Variants in RFTN1 observed in about 807,000 individuals in gnomAD.
RFTN1 encodes raftlin, lipid raft linker 1.
A neutral mutation model predicts 46.5 loss-of-function variants in RFTN1; 26 were observed. The observed-to-expected ratio is 0.56, with a 90% CI of 0.41 to 0.78. RFTN1 has a LOEUF of 0.78. RFTN1 is among the 30% of genes least tolerant of loss of function. The pLI is 0.00. For missense variants in RFTN1, 693 were observed against 718.7 expected, an observed-to-expected ratio of 0.96 and a Z score of 0.41; for synonymous variants, 261 against 284.2, an observed-to-expected ratio of 0.92 and a Z score of 0.82.
rs2075995022 is a variant in RFTN1 at position 16,460,749 on chromosome 3, T to A, written c.146-26712A>T. Among the ~76,000 whole-genome samples, 1 of 152,166 alleles carries A rather than the reference T, an allele frequency of 6.6e-6. No homozygotes were observed. ...CATTTTCCATGCCAAAATTCAGGAT[T>A]TAAGGTCTAAAACCATAGAGAATAT... On this transcript the variant is annotated intron_variant, in intron 2 of 9. Coordinates refer to ENST00000334133, the MANE Select transcript of RFTN1 (RefSeq NM_015150.2). The surrounding 1 kb of genome is among the most constrained non-coding windows in gnomAD (Gnocchi z 4.8).
In RFTN1 at chr3:16,479,582, A is replaced by T. The variant is rs2076333198; in HGVS notation, c.145+14143T>A. ...CAGTAACTTTTCTTTCACACACTTC[A>T]TCTCGACCATTTCTCACCAAGCAAG... On this transcript the variant is annotated intron_variant, in intron 2 of 9. Transcript: ENST00000334133. This position sits in a 1 kb window ranked among gnomAD's most constrained non-coding sequence, Gnocchi z 5.1. Among the ~76,000 whole-genome samples, 1 of 152,212 alleles carries T rather than the reference A, an allele frequency of 6.6e-6. No homozygotes were observed. Among genetic ancestry groups the T allele is most frequent in the Non-Finnish European group, 1.5e-5 (1 of 68,040 alleles).
rs890869447 is a variant in RFTN1, at chr3:16,334,647, C to G, written c.1147-7771G>C. Among the ~76,000 whole-genome samples the G allele has an allele frequency of 2.0e-5, 3 of 152,052 alleles. No homozygotes were observed. Among genetic ancestry groups the G allele is most frequent in the African/African-American group, 7.2e-5 (3 of 41,404 alleles). On this transcript the variant is annotated intron_variant, in intron 7 of 9. Transcript: ENST00000334133. This position sits in a 1 kb window ranked among gnomAD's most constrained non-coding sequence, Gnocchi z 4.3. ...AGGGAATGAATTCTATTCTAGACACCCTGAGTTTGAGGAACCTATGGAAAT... is the reference window on the plus strand; with the variant it reads ...AGGGAATGAATTCTATTCTAGACACGCTGAGTTTGAGGAACCTATGGAAAT...
chr3:16,399,300 C>A (rs1165014343), intron 4 of RFTN1, among the ~76,000 whole-genome samples: 1 of 152,092 alleles, frequency 6.6e-6, no homozygotes, highest in Admixed American at 6.5e-5. Context: ...TCAGAACTAT[C>A]CTAGGACTAA....
intron 2 of RFTN1, among the ~76,000 whole-genome samples, chr3:16,467,099 G>A (rs529860457): frequency 1.5e-3 from 222 of 152,326 alleles, no homozygotes; most frequent in African/African-American, 5.1e-3. Flanking sequence ...AAAAAGGGGG[G>A]TGAGGGTTTT....
intron 7 of RFTN1, among the ~76,000 whole-genome samples, chr3:16,350,526 C>A (rs1163518594): frequency 6.6e-6 from 1 of 151,594 alleles, no homozygotes; most frequent in Non-Finnish European, 1.5e-5. Context: ...AGGCACTCAT[C>A]CATACATACT....
At position 16,407,796 on chromosome 3, in the gene RFTN1, C is replaced by T. The variant is rs111477216; in HGVS notation, c.441+1579G>A. 3.3e-5 allele frequency among the ~76,000 whole-genome samples: 5 copies of T among 152,220 alleles called. No individual in the cohort carries two copies. The highest frequency in any genetic ancestry group is 3.4e-3 in the Middle Eastern group (1 of 294). On this transcript the variant is annotated intron_variant, in intron 4 of 9. Coordinates refer to ENST00000334133, the MANE Select transcript of RFTN1 (RefSeq NM_015150.2). This position sits in a 1 kb window ranked among gnomAD's most constrained non-coding sequence, Gnocchi z 4.0. ...GTGAACAAAAGCTACTTCCCCCCTC[C>T]CCCATTTCTTAAATAATAATCTGAA...
chr3:16,375,455 A>G (rs1253991479), intron 5 of RFTN1, among the ~76,000 whole-genome samples: 1 of 152,048 alleles, frequency 6.6e-6, no homozygotes, highest in African/African-American at 2.4e-5. Context: ...AGCTGTTGTG[A>G]GGAGTTACTG....
At chr3:16,477,798 C>T (rs2076306292) in intron 2 of RFTN1, among the ~76,000 whole-genome samples, 1 of 152,228 alleles carries the variant, frequency 6.6e-6, no homozygotes, top group South Asian at 2.1e-4. Flanking sequence ...CAAATCTTGA[C>T]TTTCACAGCT....
rs2075252077 is a variant in RFTN1 at position 16,424,468 on chromosome 3, G to A, written c.332+9383C>T. ...GAAACAACCATCATGAGGACATAAT[G>A]AGAATTAATTATAATACCGAAAACA... On this transcript the variant is annotated intron_variant, in intron 3 of 9. Coordinates refer to ENST00000334133, the MANE Select transcript of RFTN1 (RefSeq NM_015150.2). The surrounding 1 kb of genome is among the most constrained non-coding windows in gnomAD (Gnocchi z 4.7). 6.6e-6 allele frequency among the ~76,000 whole-genome samples: 1 copy of A among 152,170 alleles called. No individual in the cohort carries two copies. The highest frequency in any genetic ancestry group is 1.5e-5 in the Non-Finnish European group (1 of 68,044).
In RFTN1 at chr3:16,336,614, G is replaced by A. The variant is rs140938139; in HGVS notation, c.1147-9738C>T. ...CAACATAATAGAGTCTGAGAGAGCA[G>A]TCTTCTCATTTTAGACAACTTAGGC... On this transcript the variant is annotated intron_variant, in intron 7 of 9. Coordinates refer to ENST00000334133, the MANE Select transcript of RFTN1 (RefSeq NM_015150.2). This position sits in a 1 kb window ranked among gnomAD's most constrained non-coding sequence, Gnocchi z 6.0. Among the ~76,000 whole-genome samples the A allele has an allele frequency of 1.3e-5, 2 of 152,334 alleles. No homozygotes were observed. The highest frequency in any genetic ancestry group is 4.8e-5 in the African/African-American group (2 of 41,582).
Position 16,449,364 on chromosome 3 carries a change from A to G in RFTN1, c.146-15327T>C, listed in dbSNP as rs2075785570. ...TTACCTGGGTTCAAATTTCAGTGCC[A>G]TCCCTTACTAGCCATATGACTTTGG... On this transcript the variant is annotated intron_variant, in intron 2 of 9. Coordinates refer to ENST00000334133, the MANE Select transcript of RFTN1 (RefSeq NM_015150.2). This position sits in a 1 kb window ranked among gnomAD's most constrained non-coding sequence, Gnocchi z 5.1. Among the ~76,000 whole-genome samples the G allele has an allele frequency of 6.6e-6, 1 of 152,188 alleles. No homozygotes were observed. The highest frequency in any genetic ancestry group is 1.5e-5 in the Non-Finnish European group (1 of 68,036).
At chr3:16,417,009 CTTTTTTTTT>C (rs72060599) in intron 3 of RFTN1, among the ~76,000 whole-genome samples, 2 of 121,296 alleles carry the variant, frequency 1.6e-5, no homozygotes, top group African/African-American at 6.8e-5. Flanking sequence ...TTTTCTTTTT[CTTTTTTTTT>C]TTTTTTTTGA....
Position 16,320,450 on chromosome 3 carries a change from C to T in RFTN1, c.1332+2926G>A, listed in dbSNP as rs879563355. Among the ~76,000 whole-genome samples, 19 of 152,178 alleles carry T rather than the reference C, an allele frequency of 1.2e-4. No individual in the cohort carries two copies. Among genetic ancestry groups the T allele is most frequent in the Non-Finnish European group, 7.3e-5 (5 of 68,028 alleles). On this transcript the variant is annotated intron_variant, in intron 9 of 9. Coordinates refer to ENST00000334133, the MANE Select transcript of RFTN1 (RefSeq NM_015150.2). This position sits in a 1 kb window ranked among gnomAD's most constrained non-coding sequence, Gnocchi z 4.5. ...GAAGCTGATTACTCATTCATTGATT[C>T]GACAAGTATCTGTTGAGCACCAACT...
rs2076246000 is a variant in RFTN1 at position 16,474,209 on chromosome 3, G to C, written c.145+19516C>G. ...ACTTTATTCAATTCTAACAACGCCAGGAAATATACTGCATTTTACAGATAA... is the reference window on the plus strand; with the variant it reads ...ACTTTATTCAATTCTAACAACGCCACGAAATATACTGCATTTTACAGATAA... On this transcript the variant is annotated intron_variant, in intron 2 of 9. Transcript: ENST00000334133. This position sits in a 1 kb window ranked among gnomAD's most constrained non-coding sequence, Gnocchi z 5.5. Among the ~76,000 whole-genome samples the C allele has an allele frequency of 6.6e-6, 1 of 152,160 alleles. No homozygotes were observed. Among genetic ancestry groups the C allele is most frequent in the Non-Finnish European group, 1.5e-5 (1 of 68,032 alleles).
intron 2 of RFTN1, among the ~76,000 whole-genome samples, chr3:16,455,072 A>G (rs1353736807): frequency 6.6e-6 from 1 of 152,196 alleles, no homozygotes; most frequent in Non-Finnish European, 1.5e-5. Context: ...GCTGGCGGCC[A>G]GCAACCCTCC....
intron 6 of RFTN1, among the ~76,000 whole-genome samples, chr3:16,362,538 G>T (rs536331877): frequency 8.5e-4 from 129 of 152,242 alleles, no homozygotes; most frequent in African/African-American, 3.0e-3. Flanking sequence ...TGCCCTAAGA[G>T]ACCCCTTTGA....
In RFTN1 at chr3:16,401,365, T is replaced by C. The variant is rs537966835; in HGVS notation, c.441+8010A>G. Among the ~76,000 whole-genome samples the C allele has an allele frequency of 2.7e-5, 4 of 150,870 alleles. No individual in the cohort carries two copies. In the East Asian group the frequency reaches 7.8e-4, roughly 29 times the overall value. On this transcript the variant is annotated intron_variant, in intron 4 of 9. Coordinates refer to ENST00000334133, the MANE Select transcript of RFTN1 (RefSeq NM_015150.2). ...GACGGGGTGGGGATCTCAAATCTCC[T>C]AAAGTAAACTGCTCTTCTGTCCTTC...
intron 4 of RFTN1, among the ~76,000 whole-genome samples, chr3:16,379,324 G>A (rs2073900163): frequency 6.6e-6 from 1 of 152,242 alleles, no homozygotes; most frequent in Admixed American, 6.5e-5. Flanking sequence ...ATGCAGTCCA[G>A]TCTTTAAATC....
At chr3:16,318,093 A>T (rs1251137594) in intron 9 of RFTN1, among the ~76,000 whole-genome samples, 2 of 152,122 alleles carry the variant, frequency 1.3e-5, no homozygotes, top group Non-Finnish European at 2.9e-5. Context: ...CAGAGTCCCA[A>T]GGTCACGCGG....
Sources: gnomAD v4.1 joint callset for allele counts (sites outside exome capture counted in the v4.1 genomes callset) on GRCh38, gnomAD v4.1.1 for gene constraint, Gnocchi (gnomAD v3.1) non-coding constraint, MANE v1.5 for transcripts, NCBI Gene and HGNC (gene_info 2026-07-23, HGNC 2026-07-21) for gene names.